IMPA2: variants seen among roughly 807,000 people sequenced by gnomAD.
IMPA2 encodes IMP 2.
Under a neutral mutation model 35.1 loss-of-function variants are expected in IMPA2, and 32 were observed. The ratio of observed to expected loss-of-function variants is 0.91; its 90% confidence interval spans 0.69 to 1.23. IMPA2 has a LOEUF of 1.23. Ranked by LOEUF, IMPA2 falls within the 50% of genes most tolerant of loss-of-function variation. The pLI, the probability that IMPA2 is intolerant of heterozygous loss-of-function variation, is 0.00. For missense variants in IMPA2, 334 were observed against 387.6 expected, an observed-to-expected ratio of 0.86 and a Z score of 1.16; for synonymous variants, 135 against 160.6, an observed-to-expected ratio of 0.84 and a Z score of 1.20.
chr18:12,013,648 G>GC (rs940716121), intron 4 of IMPA2, among the ~76,000 whole-genome samples: 5 of 152,340 alleles, frequency 3.3e-5, no homozygotes, highest in African/African-American at 1.2e-4. Context: ...GCCGTGGGCT[G>GC]CCGTCCTTTT....
At chr18:11,982,998 T>G (rs539346789) in intron 1 of IMPA2, among the ~76,000 whole-genome samples, 16 of 152,302 alleles carry the variant, frequency 1.1e-4, no homozygotes, top group African/African-American at 3.6e-4. Context: ...TGGATAGTGC[T>G]TTACCTTGGT....
chr18:12,017,254 C>T (rs1310696783), intron 5 of IMPA2, among the ~76,000 whole-genome samples: 1 of 152,184 alleles, frequency 6.6e-6, no homozygotes, highest in African/African-American at 2.4e-5. Context: ...CATGGCAGCA[C>T]GCCTGCTTCG....
chr18:12,003,086 T>C (rs767966322), intron 2 of IMPA2, among the ~76,000 whole-genome samples: 3 of 151,798 alleles, frequency 2.0e-5, no homozygotes, highest in Non-Finnish European at 4.4e-5. Context: ...TCCCAGCTAC[T>C]CAGGAGGCTG....
rs1907405905 is a variant in IMPA2 at position 12,010,578 on chromosome 18, C to T, written c.335+591C>T. 6.6e-6 allele frequency among the ~76,000 whole-genome samples: 1 copy of T among 152,192 alleles called. No homozygotes were observed. Among genetic ancestry groups the T allele is most frequent in the South Asian group, 2.1e-4 (1 of 4,836 alleles). ...CTGGCAGTGGCAGGTGATGGTGCTG[C>T]GCTGCCTGTCTACACGCACAGGTGG... On this transcript the variant is annotated intron_variant, in intron 3 of 7. Coordinates refer to ENST00000269159, the MANE Select transcript of IMPA2 (RefSeq NM_014214.3). This position sits in a 1 kb window ranked among gnomAD's most constrained non-coding sequence, Gnocchi z 4.8.
In IMPA2 at chr18:11,999,256, C is replaced by T. The variant is rs1053370983; in HGVS notation, c.230+69C>T. Reference sequence around the variant, plus strand: ...CACTCATAGAGAATGCAGGGTCTGCCGGGGTCAGGGGGCTCTGCTGTTTGT... The same window carrying T: ...CACTCATAGAGAATGCAGGGTCTGCTGGGGTCAGGGGGCTCTGCTGTTTGT... On this transcript the variant is annotated intron_variant, in intron 2 of 7. Coordinates refer to ENST00000269159, the MANE Select transcript of IMPA2 (RefSeq NM_014214.3). The T allele has an allele frequency of 9.0e-5, 134 of 1,487,708 alleles. No homozygotes were observed. In the African/African-American group the frequency reaches 1.4e-3, roughly 16 times the overall value. The allele number at this position is 1,487,708 out of a possible 1,614,324, so 92.2% of individuals were successfully genotyped here.
chr18:11,999,980 T>C (rs1383829350), intron 2 of IMPA2, among the ~76,000 whole-genome samples: 1 of 152,170 alleles, frequency 6.6e-6, no homozygotes, highest in African/African-American at 2.4e-5. Flanking sequence ...ATCTTTTTTC[T>C]TCGTTACATA....
chr18:12,028,180 G>A (rs1307811021), intron 6 of IMPA2, 29 bp downstream of exon 6: 2 of 1,402,498 alleles, frequency 1.4e-6, no homozygotes, highest in Non-Finnish European at 2.0e-6. Flanking sequence ...GGAACACCCT[G>A]CAGCCCGAGG....
Position 12,012,335 on chromosome 18 carries a change from G to C in IMPA2, c.381+120G>C, listed in dbSNP as rs751751832. The C allele has an allele frequency of 6.1e-6, 5 of 816,450 alleles. No homozygotes were observed. In the South Asian group the frequency reaches 6.1e-5, roughly 10 times the overall value. The allele number at this position is 816,450 out of a possible 1,614,324, so 50.6% of individuals were successfully genotyped here. A position where few individuals can be genotyped will look rare whatever the true frequency, so the allele number is the denominator to read the frequency against. ...TTTGCCCTGTGCCTTAATCATGACTGGCAAATCCAAGCCTGTGGGTTTCAA... is the reference window on the plus strand; with the variant it reads ...TTTGCCCTGTGCCTTAATCATGACTCGCAAATCCAAGCCTGTGGGTTTCAA... On this transcript the variant is annotated intron_variant, in intron 4 of 7. Transcript: ENST00000269159.
chr18:12,029,763 C>T (rs1907994172), intron 7 of IMPA2, among the ~76,000 whole-genome samples: 1 of 152,344 alleles, frequency 6.6e-6, no homozygotes, highest in East Asian at 1.9e-4. Flanking sequence ...GATTTTACCA[C>T]TAGAGCACCT....
chr18:12,010,032 C>A lies in IMPA2; in HGVS notation c.335+45C>A. On this transcript the variant is annotated intron_variant, in intron 3 of 7. Transcript: ENST00000269159. This position sits in a 1 kb window ranked among gnomAD's most constrained non-coding sequence, Gnocchi z 4.8. ...CCTCCATTGCAGGGCTTAACATGTC[C>A]TCTTCTGTGAGGTTTTGTCTTTTCA... 1 of 1,433,302 alleles carries A rather than the reference C, an allele frequency of 7.0e-7. No homozygotes were observed. The highest frequency in any genetic ancestry group is 9.8e-7 in the Non-Finnish European group (1 of 1,019,512). 88.8% of individuals were successfully genotyped at this position (1,433,302 alleles called of 1,614,324 possible).
Position 12,012,233 on chromosome 18 carries a change from G to T in IMPA2, c.381+18G>T. 6.2e-7 allele frequency: 1 copy of T among 1,612,134 alleles called. No individual in the cohort carries two copies. The highest frequency in any genetic ancestry group is 1.1e-5 in the South Asian group (1 of 91,040). Reference sequence around the variant, plus strand: ...GACAAGAGGTGCGGGTGTGGCCCAGGTCCCCAGGGCCCCTCCCTGGGCTCC... The same window carrying T: ...GACAAGAGGTGCGGGTGTGGCCCAGTTCCCCAGGGCCCCTCCCTGGGCTCC... On this transcript the variant is annotated intron_variant, in intron 4 of 7. Transcript: ENST00000269159.
At chr18:11,982,132 G>T (rs922024512) in intron 1 of IMPA2, among the ~76,000 whole-genome samples, 1 of 152,158 alleles carries the variant, frequency 6.6e-6, no homozygotes, top group East Asian at 1.9e-4. Context: ...CCGGGGCTAA[G>T]CCCCAGCCGC....
At chr18:12,016,186 A>T (rs1448333069) in intron 5 of IMPA2, among the ~76,000 whole-genome samples, 1 of 152,192 alleles carries the variant, frequency 6.6e-6, no homozygotes, top group Non-Finnish European at 1.5e-5. Flanking sequence ...TCTGTTCCCT[A>T]CAGTACCTGT....
chr18:12,018,931 C>T (rs372425378), intron 5 of IMPA2, among the ~76,000 whole-genome samples: 17 of 151,978 alleles, frequency 1.1e-4, no homozygotes, highest in African/African-American at 3.9e-4. Context: ...CCGAATGATC[C>T]TCCCACCTCA....
At chr18:11,981,830 C>T (rs1034555675) in intron 1 of IMPA2, 65 bp downstream of exon 1, 7 of 1,086,172 alleles carry the variant, frequency 6.4e-6, no homozygotes, top group Non-Finnish European at 7.0e-6. Flanking sequence ...TGGGAGCCGC[C>T]TGGAGTGGCG....
At chr18:12,003,260 C>T (rs182977739) in intron 2 of IMPA2, among the ~76,000 whole-genome samples, 1 of 152,254 alleles carries the variant, frequency 6.6e-6, no homozygotes, top group East Asian at 1.9e-4. Flanking sequence ...TGGCAAATCT[C>T]ACCACTTAGG....
At chr18:11,999,289 GC>G in intron 2 of IMPA2, 102 bp downstream of exon 2, 1 of 1,174,378 alleles carries the variant, frequency 8.5e-7, no homozygotes, top group Non-Finnish European at 1.2e-6. Context: ...TGTTGATGTG[GC>G]CAGACGTGAA....
At chr18:11,993,816 G>A (rs1387405050) in intron 1 of IMPA2, among the ~76,000 whole-genome samples, 1 of 152,210 alleles carries the variant, frequency 6.6e-6, no homozygotes, top group Non-Finnish European at 1.5e-5. Flanking sequence ...ACAGGAGGGA[G>A]GACACTCGAG....
chr18:11,984,734 G>A (rs987824881), intron 1 of IMPA2, among the ~76,000 whole-genome samples: 7 of 152,218 alleles, frequency 4.6e-5, no homozygotes, highest in Non-Finnish European at 5.9e-5. Context: ...TTGGGAGGCC[G>A]AGGTGGGCAG....
Sources: gnomAD v4.1 joint callset for allele counts (sites outside exome capture counted in the v4.1 genomes callset) on GRCh38, gnomAD v4.1.1 for gene constraint, Gnocchi (gnomAD v3.1) non-coding constraint, MANE v1.5 for transcripts, NCBI Gene and HGNC (gene_info 2026-07-23, HGNC 2026-07-21) for gene names.